Variants in GOLGA3 observed in about 807,000 individuals in gnomAD.
The protein encoded by GOLGA3 is golgin A3.
A neutral mutation model predicts 169.4 loss-of-function variants in GOLGA3; 75 were observed. The observed-to-expected ratio is 0.44, with a 90% CI of 0.37 to 0.54. The LOEUF (loss-of-function observed/expected upper bound fraction) is 0.54, where lower values mean the gene tolerates loss of function less well. Ranked by LOEUF, GOLGA3 falls within the 20% of genes least tolerant of loss-of-function variation. The pLI is 0.00. For synonymous variants in GOLGA3, 824 were observed against 822.4 expected, an observed-to-expected ratio of 1.00 and a Z score of -0.03; for missense variants, 1,899 against 1,930.0, an observed-to-expected ratio of 0.98 and a Z score of 0.30.
Position 132,796,135 on chromosome 12 carries a change from G to A in GOLGA3, c.2186C>T (p.Thr729Ile), listed in dbSNP as rs1346654554. 6.2e-7 allele frequency: 1 copy of A among 1,611,376 alleles called. No homozygotes were observed. Among genetic ancestry groups the A allele is most frequent in the Non-Finnish European group, 8.5e-7 (1 of 1,178,632 alleles). The change falls in exon 11 of 24, where the codon ACT becomes ATT. Residue 729 changes from threonine (T) to isoleucine (I), a missense_variant. Coordinates refer to ENST00000450791, the MANE Select transcript of GOLGA3 (RefSeq NM_001389683.1). ...CTCCCTGCTCTGCAGAGCCTCCTGA[G>A]TCAAGGTGAGCTGTTTCATCAGGTC... Reference protein sequence around the residue: ...HLDLMKQLTLTQEALQSREQS... With the variant: ...HLDLMKQLTLIQEALQSREQS...
At chr12:132,803,918 A>C (rs190011366) in intron 7 of GOLGA3, among the ~76,000 whole-genome samples, 5 of 152,212 alleles carry the variant, frequency 3.3e-5, no homozygotes, top group African/African-American at 1.2e-4. Context: ...CTTTGTCTTC[A>C]ATCTTCCCAC....
Position 132,822,241 on chromosome 12 carries a change from T to C in GOLGA3, c.-113A>G. Reference sequence around the variant, plus strand: ...AGCTCCTGGGAGGGGCCCTACTGTGTCTCCCATTTTCAGGAGAAGATCTGA... The same window carrying C: ...AGCTCCTGGGAGGGGCCCTACTGTGCCTCCCATTTTCAGGAGAAGATCTGA... On this transcript the variant is annotated 5_prime_UTR_variant, in exon 2 of 24. Transcript: ENST00000450791. The C allele has an allele frequency of 7.0e-7, 1 of 1,425,654 alleles. No homozygotes were observed. The highest frequency in any genetic ancestry group is 9.1e-7 in the Non-Finnish European group (1 of 1,096,802). The allele number at this position is 1,425,654 out of a possible 1,614,324, so 88.3% of individuals were successfully genotyped here. A position where few individuals can be genotyped will look rare whatever the true frequency, so the allele number is the denominator to read the frequency against.
At position 132,822,329 on chromosome 12, in the gene GOLGA3, C is replaced by T. The variant is rs753798847; in HGVS notation, c.-183-18G>A. On this transcript the variant is annotated intron_variant, in intron 1 of 23. Transcript: ENST00000450791. ...CATGATACCTGACAGGAGAGAGAGACAAAATGTATTATGAAACTTGTCAGA... is the reference window on the plus strand; with the variant it reads ...CATGATACCTGACAGGAGAGAGAGATAAAATGTATTATGAAACTTGTCAGA... 7.9e-7 allele frequency: 1 copy of T among 1,265,152 alleles called. No homozygotes were observed. Among genetic ancestry groups the T allele is most frequent in the Non-Finnish European group, 1.0e-6 (1 of 986,568 alleles). The allele number at this position is 1,265,152 out of a possible 1,614,324, so 78.4% of individuals were successfully genotyped here. A position where few individuals can be genotyped will look rare whatever the true frequency, so the allele number is the denominator to read the frequency against.
At chr12:132,788,235 A>C (rs1057036942) in intron 13 of GOLGA3, among the ~76,000 whole-genome samples, 1 of 152,052 alleles carries the variant, frequency 6.6e-6, no homozygotes, top group Non-Finnish European at 1.5e-5. Context: ...CCTGGCTCCT[A>C]ATGAGCCAGA....
rs1033599171 is a variant in GOLGA3, at chr12:132,777,871, C to A, written c.3583-66G>T. On this transcript the variant is annotated intron_variant, in intron 18 of 23. Transcript: ENST00000450791. This position sits in a 1 kb window ranked among gnomAD's most constrained non-coding sequence, Gnocchi z 4.7. ...ACCCACAGCTTTATGACGTGCCGGG[C>A]GCAGGGGGTGAATGCACTCCCGGCC... The A allele has an allele frequency of 1.9e-6, 3 of 1,565,340 alleles. No individual in the cohort carries two copies. Among genetic ancestry groups the A allele is most frequent in the Admixed American group, 1.8e-5 (1 of 56,748 alleles).
intron 2 of GOLGA3, among the ~76,000 whole-genome samples, chr12:132,820,474 TG>T (rs972369609): frequency 1.3e-5 from 2 of 152,192 alleles, no homozygotes; most frequent in African/African-American, 2.4e-5. Flanking sequence ...TCAGAACTCT[TG>T]ATCTTGGGCC....
rs1949289955 is a variant in GOLGA3, at chr12:132,804,542, T to A, written c.1597+174A>T. On this transcript the variant is annotated intron_variant, in intron 7 of 23. Transcript: ENST00000450791. The surrounding 1 kb of genome is among the most constrained non-coding windows in gnomAD (Gnocchi z 4.1). The stretch of plus-strand genomic sequence containing the variant: ...GAGGACCAGTCAGGGAAGGAGGGCG[T>A]GGCGGGGACCAGTCGAGGAAGGAGG... 6.8e-6 allele frequency among the ~76,000 whole-genome samples: 1 copy of A among 146,114 alleles called. No individual in the cohort carries two copies. Among genetic ancestry groups the A allele is most frequent in the African/African-American group, 2.6e-5 (1 of 38,930 alleles).
chr12:132,796,067 C>A lies in GOLGA3; in HGVS notation c.2254G>T (p.Ala752Ser), dbSNP rs1338430643. ...TCGCCCTGCAGCTCCCCCAGCCTGG[C>A]CTGCAGCTCATCGTAGTGTGTCTGC... is the stretch of plus-strand genomic sequence containing the variant. ...ALQTHYDELQ[A>S]RLGELQGEAA... Residue 752 changes from alanine to serine, a missense_variant, in exon 11 of 24, where the codon GCC becomes TCC. Physicochemically the swap from Ala to Ser is moderately conservative, Grantham distance 99. Transcript: ENST00000450791. The A allele has an allele frequency of 3.7e-6, 6 of 1,612,898 alleles. No homozygotes were observed. The highest frequency in any genetic ancestry group is 2.2e-5 in the East Asian group (1 of 44,860).
In GOLGA3 at chr12:132,804,135, G is replaced by A. The variant is rs547489334; in HGVS notation, c.1597+581C>T. Among the ~76,000 whole-genome samples the A allele has an allele frequency of 6.6e-6, 1 of 152,332 alleles. No individual in the cohort carries two copies. The highest frequency in any genetic ancestry group is 2.4e-5 in the African/African-American group (1 of 41,576). On this transcript the variant is annotated intron_variant, in intron 7 of 23. Coordinates refer to ENST00000450791, the MANE Select transcript of GOLGA3 (RefSeq NM_001389683.1). The surrounding 1 kb of genome is among the most constrained non-coding windows in gnomAD (Gnocchi z 4.1). ...TGCCCTACTTGTACTCTCTGGGCGA[G>A]CCCTATAGGGAGGCAGCTGGACCGA... is the stretch of plus-strand genomic sequence containing the variant.
chr12:132,828,702 C>CCCGCCT (rs1555266650), intron 1 of GOLGA3, 101 bp downstream of exon 1: 1 of 152,198 alleles, frequency 6.6e-6, no homozygotes, highest in African/African-American at 2.4e-5. Context: ...GCGCCCAGGC[C>CCCGCCT]CCGCCGCCGC....
Position 132,816,778 on chromosome 12 carries a change from T to C in GOLGA3, c.168A>G (p.Glu56=). 1 of 1,607,596 alleles carries C rather than the reference T, an allele frequency of 6.2e-7. No individual in the cohort carries two copies. ...CTCCCTGGCCAGGTCCATCCGGGCT[T>C]TCCCCTTCCGTGGATGCTCTGTTTA... ...AEVNRASTEG[E]SPDGPGQGGL... The change falls in exon 3 of 24, where the codon GAA becomes GAG. Residue 56 remains glutamate, a synonymous_variant. Transcript: ENST00000450791.
At chr12:132,787,639 CA>C (rs2045976013) in intron 13 of GOLGA3, among the ~76,000 whole-genome samples, 1 of 112,634 alleles carries the variant, frequency 8.9e-6, no homozygotes, top group Non-Finnish European at 2.0e-5. Context: ...CCCCGGAGAC[CA>C]CGGGACCCCT....
chr12:132,773,224 A>C lies in GOLGA3; in HGVS notation c.4378T>G (p.Trp1460Gly). Residue 1460 changes from tryptophan (W) to glycine (G), a missense_variant, in exon 24 of 24, where the codon TGG becomes GGG. Transcript: ENST00000450791. Reference sequence around the variant, plus strand: ...GCAGTGGCTGGCTCCAGCGGCGTCCACGAGGACAGAGACTCGTGCACCGTC... The same window carrying C: ...GCAGTGGCTGGCTCCAGCGGCGTCCCCGAGGACAGAGACTCGTGCACCGTC... Reference protein sequence around the residue: ...ALTVHESLSSWTPLEPATASP... With the variant: ...ALTVHESLSSGTPLEPATASP... 1 of 1,569,678 alleles carries C rather than the reference A, an allele frequency of 6.4e-7. No homozygotes were observed. The highest frequency in any genetic ancestry group is 2.3e-5 in the East Asian group (1 of 42,604).
At position 132,769,695 on chromosome 12, in the gene GOLGA3, C is replaced by T. The variant is rs923118032; in HGVS notation, c.*3410G>A. The T allele has an allele frequency of 6.6e-6, 1 of 152,068 alleles. No individual in the cohort carries two copies. The highest frequency in any genetic ancestry group is 1.5e-5 in the Non-Finnish European group (1 of 68,014). The allele number at this position is 152,068 out of a possible 1,614,324, so 9.4% of individuals were successfully genotyped here. On this transcript the variant is annotated 3_prime_UTR_variant, in exon 24 of 24. Coordinates refer to ENST00000450791, the MANE Select transcript of GOLGA3 (RefSeq NM_001389683.1). Reference sequence around the variant, plus strand: ...GTGACACACGGTGTGGGGATGAACACGCCGCCCTAGCCCGTGACACACGGC... The same window carrying T: ...GTGACACACGGTGTGGGGATGAACATGCCGCCCTAGCCCGTGACACACGGC...
chr12:132,783,813 T>A, intron 16 of GOLGA3: 1 of 970,446 alleles, frequency 1.0e-6, no homozygotes, highest in Non-Finnish European at 1.4e-6. Flanking sequence ...CCTAACCTCA[T>A]GATCCGCCCA....
At chr12:132,791,134 T>C (rs538463664) in intron 12 of GOLGA3, 82 bp downstream of exon 12, 113 of 609,082 alleles carry the variant, frequency 1.9e-4, no homozygotes, top group South Asian at 1.7e-3. Flanking sequence ...TTCAATGACA[T>C]TGGAATTGCT....
chr12:132,798,330 G>A lies in GOLGA3; in HGVS notation c.1938+10C>T, dbSNP rs747925913. On this transcript the variant is annotated intron_variant, in intron 9 of 23. Coordinates refer to ENST00000450791, the MANE Select transcript of GOLGA3 (RefSeq NM_001389683.1). ...CTCCTAAGCTTCCACGGCCCCGGCC[G>A]CAGCCTCACCTCAATGCCCTGCAGC... is the stretch of plus-strand genomic sequence containing the variant. The A allele has an allele frequency of 8.8e-6, 14 of 1,596,542 alleles. No individual in the cohort carries two copies. Among genetic ancestry groups the A allele is most frequent in the Admixed American group, 1.8e-5 (1 of 55,290 alleles).
rs1013586752 is a variant in GOLGA3, at chr12:132,796,444, C to T, written c.2100+95G>A. 9 of 1,402,998 alleles carry T rather than the reference C, an allele frequency of 6.4e-6. No homozygotes were observed. The East Asian group carries it at 2.1e-4, about 32-fold the overall frequency. The allele number at this position is 1,402,998 out of a possible 1,614,324, so 86.9% of individuals were successfully genotyped here. On this transcript the variant is annotated intron_variant, in intron 10 of 23. Transcript: ENST00000450791. Reference sequence around the variant, plus strand: ...ACTCCCACCTGAGCGGACGTGGCCCCACAGCAGAGGACTGCTCGGTCTCCT... The same window carrying T: ...ACTCCCACCTGAGCGGACGTGGCCCTACAGCAGAGGACTGCTCGGTCTCCT...
intron 12 of GOLGA3, among the ~76,000 whole-genome samples, chr12:132,789,937 G>A (rs563961227): frequency 6.6e-6 from 1 of 152,230 alleles, no homozygotes; most frequent in Non-Finnish European, 1.5e-5. Flanking sequence ...CGAGGCTGAG[G>A]CATGAGAATC....
Sources: allele counts gnomAD v4.1 joint callset (sites outside exome capture counted in the v4.1 genomes callset), GRCh38; gene constraint gnomAD v4.1.1; non-coding constraint Gnocchi (gnomAD v3.1); transcripts MANE v1.5; gene names NCBI Gene and HGNC (gene_info 2026-07-23, HGNC 2026-07-21).